The following NHEJ1 variants were observed in gnomAD, a reference collection of about 807,000 sequenced individuals.
NHEJ1 encodes the protein non-homologous end joining factor 1, also known as non-homologous end-joining factor 1.
Under a neutral mutation model 39.4 loss-of-function variants are expected in NHEJ1, and 22 were observed. That is an observed-to-expected ratio of 0.56 (90% confidence interval 0.40 to 0.80). The LOEUF is 0.80. Among genes scored for constraint, NHEJ1 ranks in the 30% least tolerant of loss-of-function variants. The pLI is 0.00. For synonymous variants in NHEJ1, 154 were observed against 135.6 expected, an observed-to-expected ratio of 1.14 and a Z score of -0.94; for missense variants, 329 against 357.1, an observed-to-expected ratio of 0.92 and a Z score of 0.63.
chr2:219,087,417 G>C (rs1949121553), intron 5 of NHEJ1, among the ~76,000 whole-genome samples: 1 of 151,660 alleles, frequency 6.6e-6, no homozygotes, highest in Admixed American at 6.6e-5. Context: ...AGAGAGGACA[G>C]TCAACTGGGT....
Position 219,076,354 on chromosome 2 carries a change from A to C in NHEJ1, c.*27T>G. 2 of 1,614,090 alleles carry C rather than the reference A, an allele frequency of 1.2e-6. No homozygotes were observed. The highest frequency in any genetic ancestry group is 1.7e-6 in the Non-Finnish European group (2 of 1,180,016). ...AGCTTGGAAGCTGTTCTCCAAGTCC[A>C]TCCTCAGCAGCTGAGGCCACAACAG... On this transcript the variant is annotated 3_prime_UTR_variant, in exon 8 of 8. Transcript: ENST00000356853.
At chr2:219,110,867 C>T (rs559331516) in intron 5 of NHEJ1, among the ~76,000 whole-genome samples, 1 of 152,236 alleles carries the variant, frequency 6.6e-6, no homozygotes, top group East Asian at 1.9e-4. Flanking sequence ...CATCACAGCG[C>T]TCCTCCTCCA....
At chr2:219,149,949 T>C (rs1378979181) in intron 3 of NHEJ1, among the ~76,000 whole-genome samples, 1 of 152,216 alleles carries the variant, frequency 6.6e-6, no homozygotes, top group East Asian at 1.9e-4. Flanking sequence ...ATGGCCATAG[T>C]ATGCCAACCC....
chr2:219,147,565 C>T, intron 4 of NHEJ1, 92 bp downstream of exon 4: 3 of 1,527,596 alleles, frequency 2.0e-6, no homozygotes, highest in South Asian at 1.1e-5. Context: ...GGGGGAGGCA[C>T]TTCTCTAATG....
intron 5 of NHEJ1, among the ~76,000 whole-genome samples, chr2:219,082,332 C>T (rs1949074873): frequency 6.6e-6 from 1 of 152,204 alleles, no homozygotes; most frequent in Non-Finnish European, 1.5e-5. Context: ...TACTGCAGCC[C>T]ATCTTGGTTC....
chr2:219,101,169 C>T (rs1949256596), intron 5 of NHEJ1, among the ~76,000 whole-genome samples: 1 of 152,120 alleles, frequency 6.6e-6, no homozygotes. Flanking sequence ...GGCTGGAGTG[C>T]AGTGGTACCA....
intron 3 of NHEJ1, among the ~76,000 whole-genome samples, chr2:219,151,623 G>A (rs1486265514): frequency 6.6e-6 from 1 of 152,076 alleles, no homozygotes; most frequent in East Asian, 1.9e-4. Flanking sequence ...ATTTCTCTTA[G>A]ACCAGATAGC....
chr2:219,155,971 C>T (rs968313552), intron 3 of NHEJ1, among the ~76,000 whole-genome samples: 1 of 149,778 alleles, frequency 6.7e-6, no homozygotes, highest in African/African-American at 2.5e-5. Context: ...AGCATCAGGC[C>T]GGGTGCGGTG....
chr2:219,160,202 C>A (rs1559206680), intron 1 of NHEJ1, among the ~76,000 whole-genome samples: 1 of 152,214 alleles, frequency 6.6e-6, no homozygotes, highest in Non-Finnish European at 1.5e-5. Flanking sequence ...GCACCGAGTC[C>A]GCTCCTCAGC....
chr2:219,079,540 T>C (rs34070599), intron 5 of NHEJ1, among the ~76,000 whole-genome samples: 1,722 of 152,120 alleles, frequency 0.011, 24 homozygotes, highest in Non-Finnish European at 0.013. Context: ...TCCAACCCTA[T>C]CCCCACAAAG....
intron 5 of NHEJ1, among the ~76,000 whole-genome samples, chr2:219,135,874 G>A (rs1017556318): frequency 6.6e-6 from 1 of 152,130 alleles, no homozygotes. Context: ...ATTTGATGGA[G>A]CAAAACAGAG....
chr2:219,126,368 C>T (rs2106348129), intron 5 of NHEJ1, among the ~76,000 whole-genome samples: 1 of 152,348 alleles, frequency 6.6e-6, no homozygotes, highest in African/African-American at 2.4e-5. Context: ...CGTACCTCCT[C>T]ATCCTTAAGT....
intron 5 of NHEJ1, among the ~76,000 whole-genome samples, chr2:219,104,844 C>G (rs1187336096): frequency 6.6e-6 from 1 of 152,220 alleles, no homozygotes; most frequent in Non-Finnish European, 1.5e-5. Flanking sequence ...TTCCTACTGT[C>G]AGCCTCTCTT....
At chr2:219,142,434 CCA>C (rs1949700502) in intron 5 of NHEJ1, among the ~76,000 whole-genome samples, 1 of 152,162 alleles carries the variant, frequency 6.6e-6, no homozygotes, top group African/African-American at 2.4e-5. Flanking sequence ...GCATGCAGCC[CCA>C]GTGACTCACA....
chr2:219,105,295 T>C (rs1221570277), intron 5 of NHEJ1, among the ~76,000 whole-genome samples: 1 of 152,198 alleles, frequency 6.6e-6, no homozygotes, highest in Non-Finnish European at 1.5e-5. Flanking sequence ...AAGATATTTC[T>C]AAGAAGAAAT....
chr2:219,096,824 A>AGGTGG (rs1949213018), intron 5 of NHEJ1, among the ~76,000 whole-genome samples: 1 of 152,170 alleles, frequency 6.6e-6, no homozygotes, highest in African/African-American at 2.4e-5. Context: ...GGTCAGAAAG[A>AGGTGG]TTATAGGGAT....
At position 219,077,379 on chromosome 2, in the gene NHEJ1, A is replaced by C. The variant is rs758212717; in HGVS notation, c.707-15T>G. The C allele has an allele frequency of 2.5e-6, 4 of 1,578,792 alleles. No homozygotes were observed. In the East Asian group the frequency reaches 8.9e-5, roughly 35 times the overall value. On this transcript the variant is annotated splice_polypyrimidine_tract_variant and intron_variant, in intron 6 of 7. Transcript: ENST00000356853. ...ATGAGGATCTCCTGAAATCAGAAAG[A>C]TCAAGAGAAGATAGTGATAAATGCC...
rs546271806 is a variant in NHEJ1, at chr2:219,070,826, C to A, written c.*5555G>T. Among the ~76,000 whole-genome samples, 24 of 152,312 alleles carry A rather than the reference C, an allele frequency of 1.6e-4. No homozygotes were observed. The East Asian group carries it at 3.5e-3, about 22-fold the overall frequency. On this transcript the variant is annotated 3_prime_UTR_variant, in exon 8 of 8. Transcript: ENST00000356853. ...AAAGAGGGCAACACAACAGACATTACCACTATCAGAAAACCACTCAAGTAG... is the reference window on the plus strand; with the variant it reads ...AAAGAGGGCAACACAACAGACATTAACACTATCAGAAAACCACTCAAGTAG...
intron 5 of NHEJ1, among the ~76,000 whole-genome samples, chr2:219,136,826 C>G (rs1231398581): frequency 1.3e-5 from 2 of 152,162 alleles, no homozygotes; most frequent in African/African-American, 4.8e-5. Flanking sequence ...TGATCTCAAA[C>G]TCCCGACCTC....
Sources: gnomAD v4.1 joint callset for allele counts (sites outside exome capture counted in the v4.1 genomes callset) on GRCh38, gnomAD v4.1.1 for gene constraint, MANE v1.5 for transcripts, NCBI Gene and HGNC (gene_info 2026-07-23, HGNC 2026-07-21) for gene names.